KDM8: variants seen among roughly 807,000 people sequenced by gnomAD.
The protein encoded by KDM8 is bifunctional peptidase and arginyl-hydroxylase JMJD5.
In KDM8, 35 loss-of-function variants were observed where a neutral mutation model predicts 46.9. The observed-to-expected ratio is 0.75, with a 90% confidence interval of 0.57 to 0.99. KDM8 has a LOEUF of 0.99. Among genes scored for constraint, KDM8 ranks in the 50% least tolerant of loss-of-function variants. The probability of loss-of-function intolerance (pLI) is 0.00; values close to 1 mark genes in which losing one functional copy is unlikely to be tolerated. For synonymous variants in KDM8, 232 were observed against 227.7 expected, an observed-to-expected ratio of 1.02 and a Z score of -0.17; for missense variants, 475 against 537.0, an observed-to-expected ratio of 0.88 and a Z score of 1.14.
At position 27,221,455 on chromosome 16, in the gene KDM8, G is replaced by A. The variant is rs1358162089; in HGVS notation, c.*725G>A. On this transcript the variant is annotated 3_prime_UTR_variant, in exon 8 of 8. Coordinates refer to ENST00000286096, the MANE Select transcript of KDM8 (RefSeq NM_024773.3). ...CAAGGATAACCTACCTGCCTGCAGA[G>A]AAGTGCGAAGGTCTTGCTGGATGAC... 6.4e-6 allele frequency: 1 copy of A among 155,708 alleles called. No homozygotes were observed. The highest frequency in any genetic ancestry group is 1.4e-5 in the Non-Finnish European group (1 of 70,276). The allele number at this position is 155,708 out of a possible 1,614,324, so 9.6% of individuals were successfully genotyped here.
intron 5 of KDM8, 83 bp downstream of exon 5, chr16:27,216,072 A>C: frequency 7.0e-7 from 1 of 1,424,256 alleles, no homozygotes; most frequent in South Asian, 1.1e-5. Context: ...CGGCTGGAGC[A>C]GTGAGCGTGA....
chr16:27,213,376 T>C, intron 2 of KDM8: 1 of 511,764 alleles, frequency 2.0e-6, no homozygotes, highest in Non-Finnish European at 3.4e-6. Flanking sequence ...ACAAACATTT[T>C]TGATGAAATG....
Position 27,215,141 on chromosome 16 carries a change from G to A in KDM8, c.798+133G>A, listed in dbSNP as rs374905117. On this transcript the variant is annotated intron_variant, in intron 4 of 7. Transcript: ENST00000286096. ...GCTGTAAGTCTGTGGTCGGAGGGAC[G>A]ACCGCAGCGAGGAAGGCAGGCTGCT... is the stretch of plus-strand genomic sequence containing the variant. 2.9e-5 allele frequency: 30 copies of A among 1,021,124 alleles called. No homozygotes were observed. The Middle Eastern group carries it at 1.7e-3, about 57-fold the overall frequency. The allele number at this position is 1,021,124 out of a possible 1,614,324, so 63.3% of individuals were successfully genotyped here.
At chr16:27,211,628 C>T (rs2083485704) in intron 2 of KDM8, 1 of 152,270 alleles carries the variant, frequency 6.6e-6, no homozygotes, top group Admixed American at 6.5e-5. Flanking sequence ...ATGTTTCTGA[C>T]ATTTTTCTAA....
At chr16:27,218,877 T>C in intron 5 of KDM8, 84 bp from the exon 6 acceptor site, 1 of 1,446,870 alleles carries the variant, frequency 6.9e-7, no homozygotes, top group South Asian at 1.2e-5. Context: ...GATATAGGTA[T>C]GTGTTTCTGA....
chr16:27,216,569 C>T (rs925576958), intron 5 of KDM8, among the ~76,000 whole-genome samples: 9 of 151,974 alleles, frequency 5.9e-5, no homozygotes, highest in South Asian at 2.1e-4. Context: ...GGGCTGGGGC[C>T]GCACCTCTGT....
chr16:27,215,586 C>T (rs570478347), intron 4 of KDM8, among the ~76,000 whole-genome samples: 2 of 152,236 alleles, frequency 1.3e-5, no homozygotes, highest in Admixed American at 6.5e-5. Context: ...GTCAAAATTA[C>T]GACAGGACAG....
At position 27,210,146 on chromosome 16, in the gene KDM8, C is replaced by A. The variant is rs2083466850; in HGVS notation, c.23C>A (p.Pro8His). The A allele has an allele frequency of 6.2e-7, 1 of 1,613,252 alleles. No individual in the cohort carries two copies. The highest frequency in any genetic ancestry group is 8.5e-7 in the Non-Finnish European group (1 of 1,179,936). Reference protein sequence around the residue: MAGDTHCPAEPLAREGTL... With the variant: MAGDTHCHAEPLAREGTL... ...CCGATGGCTGGAGACACCCACTGCC[C>A]CGCAGAGCCCCTGGCCAGAGAAGGC... Residue 8 changes from proline to histidine, a missense_variant, in exon 2 of 8, where the codon CCC becomes CAC. Transcript: ENST00000286096.
At chr16:27,204,235 T>C in intron 1 of KDM8, 4 of 1,423,046 alleles carry the variant, frequency 2.8e-6, no homozygotes, top group Non-Finnish European at 3.7e-6. Flanking sequence ...TGCTTGTAGC[T>C]CGGTAGGACT....
intron 1 of KDM8, among the ~76,000 whole-genome samples, chr16:27,209,023 G>A (rs1188227265): frequency 1.3e-5 from 2 of 152,222 alleles, no homozygotes; most frequent in African/African-American, 4.8e-5. Context: ...GCCACTTACT[G>A]TGTAGTTTGG....
chr16:27,210,701 C>T (rs1712044744), intron 2 of KDM8, 80 bp downstream of exon 2: 1 of 1,397,720 alleles, frequency 7.2e-7, no homozygotes, highest in South Asian at 1.6e-5. Context: ...CATCTCTCCC[C>T]TGGGGTGAGG....
intron 2 of KDM8, chr16:27,211,160 G>A (rs1485051457): frequency 4.5e-6 from 2 of 446,962 alleles, no homozygotes; most frequent in Admixed American, 2.4e-5. Context: ...CGCCCTTTCA[G>A]CAGAGAGGCA....
intron 1 of KDM8, among the ~76,000 whole-genome samples, chr16:27,204,985 C>T (rs376105093): frequency 6.6e-6 from 1 of 152,078 alleles, no homozygotes; most frequent in South Asian, 2.1e-4. Flanking sequence ...AAGATTGGGC[C>T]AGTGCACTCC....
chr16:27,216,247 C>G, intron 5 of KDM8: 1 of 555,832 alleles, frequency 1.8e-6, no homozygotes, highest in Non-Finnish European at 3.2e-6. Context: ...GGGTGGCTGG[C>G]TGGGCTATTG....
At chr16:27,220,513 T>C (rs1269587670) in intron 7 of KDM8, 28 bp downstream of exon 7, 1 of 1,613,992 alleles carries the variant, frequency 6.2e-7, no homozygotes, top group Admixed American at 1.7e-5. Context: ...GGGGTGACGT[T>C]GCAGGTTCTC....
At chr16:27,213,913 G>T (rs2083516483) in intron 3 of KDM8, 162 bp downstream of exon 3, 2 of 699,230 alleles carry the variant, frequency 2.9e-6, no homozygotes, top group Non-Finnish European at 4.6e-6. Context: ...TGAAAAGTAA[G>T]GTGCTCTGAA....
At position 27,210,414 on chromosome 16, in the gene KDM8, C is replaced by T. The variant is rs199859180; in HGVS notation, c.291C>T (p.Ile97=). Reference sequence around the variant, plus strand: ...AAGACTGGCGCCGGGTCTACGCCATCGGCTGCCTCCTGAAAGCCCTGTGTC... The same window carrying T: ...AAGACTGGCGCCGGGTCTACGCCATTGGCTGCCTCCTGAAAGCCCTGTGTC... The part of the protein sequence containing the change: ...VDKDWRRVYA[I]GCLLKALCLC... The change falls in exon 2 of 8, where the codon ATC becomes ATT. Residue 97 remains isoleucine, a synonymous_variant. Coordinates refer to ENST00000286096, the MANE Select transcript of KDM8 (RefSeq NM_024773.3). 19 of 1,607,826 alleles carry T rather than the reference C, an allele frequency of 1.2e-5. No homozygotes were observed. Among genetic ancestry groups the T allele is most frequent in the East Asian group, 6.7e-5 (3 of 44,734 alleles).
At position 27,204,261 on chromosome 16, in the gene KDM8, G is replaced by A. The variant is rs562061742; in HGVS notation, c.-32+625G>A. 1.4e-4 allele frequency: 195 copies of A among 1,405,682 alleles called. 3 individuals carry two copies. In the South Asian group the frequency reaches 3.0e-3, roughly 21 times the overall value. The allele number at this position is 1,405,682 out of a possible 1,614,324, so 87.1% of individuals were successfully genotyped here. ...CGGTAGGACTTAACGATGGGCATCG[G>A]TGCGTTTCCCGGCAACGGTAGGAAT... On this transcript the variant is annotated intron_variant, in intron 1 of 7. Transcript: ENST00000286096.
intron 6 of KDM8, among the ~76,000 whole-genome samples, chr16:27,219,460 G>C (rs1040797534): frequency 6.6e-6 from 1 of 152,230 alleles, no homozygotes; most frequent in African/African-American, 2.4e-5. Flanking sequence ...TGGCAGGTTG[G>C]GGGAGGAGTT....
Sources: gnomAD v4.1 joint callset for allele counts (sites outside exome capture counted in the v4.1 genomes callset) on GRCh38, gnomAD v4.1.1 for gene constraint, MANE v1.5 for transcripts, NCBI Gene and HGNC (gene_info 2026-07-23, HGNC 2026-07-21) for gene names.